The following NIPBL variants were observed in gnomAD, a reference collection of about 807,000 sequenced individuals.
NIPBL encodes the protein NIPBL cohesin loading factor.
In NIPBL, 19 loss-of-function variants were observed where a neutral mutation model predicts 321.8. That is an observed-to-expected ratio of 0.06 (90% confidence interval 0.04 to 0.09). NIPBL has a LOEUF of 0.09. Among genes scored for constraint, NIPBL ranks in the 10% least tolerant of loss-of-function variants. The pLI is 1.00. For synonymous variants in NIPBL, 1,106 were observed against 1,114.1 expected, an observed-to-expected ratio of 0.99 and a Z score of 0.14; for missense variants, 2,210 against 3,327.0, an observed-to-expected ratio of 0.66 and a Z score of 8.26.
chr5:36,920,776 A>G (rs750618998), intron 1 of NIPBL, among the ~76,000 whole-genome samples: 1 of 151,418 alleles, frequency 6.6e-6, no homozygotes, highest in South Asian at 2.1e-4. Context: ...TTTATGTGGC[A>G]TCTTTAACCT....
intron 1 of NIPBL, among the ~76,000 whole-genome samples, chr5:36,946,657 A>G (rs1739717589): frequency 6.6e-6 from 1 of 152,056 alleles, no homozygotes; most frequent in African/African-American, 2.4e-5. Context: ...AAAAATTAAC[A>G]TTAGCAAAGG....
chr5:36,923,124 G>T (rs1362719554), intron 1 of NIPBL, among the ~76,000 whole-genome samples: 1 of 151,938 alleles, frequency 6.6e-6, no homozygotes, highest in Non-Finnish European at 1.5e-5. Flanking sequence ...CAAAATTTTT[G>T]TAATTTTGTA....
At chr5:37,053,756 AATTT>A (rs1308619223) in intron 42 of NIPBL, among the ~76,000 whole-genome samples, 2 of 152,218 alleles carry the variant, frequency 1.3e-5, no homozygotes, top group Non-Finnish European at 2.9e-5. Context: ...TTTACCTTTT[AATTT>A]ATTTATTTCA....
chr5:37,002,529 T>C, intron 14 of NIPBL, 133 bp from the exon 15 acceptor site: 1 of 680,062 alleles, frequency 1.5e-6, no homozygotes, highest in Non-Finnish European at 2.7e-6. Context: ...TACTTGAGGT[T>C]TATATATAGA....
At chr5:36,901,370 A>T (rs1747196667) in intron 1 of NIPBL, among the ~76,000 whole-genome samples, 1 of 151,818 alleles carries the variant, frequency 6.6e-6, no homozygotes, top group Admixed American at 6.6e-5. Flanking sequence ...GGTTGATTCC[A>T]TGTCTTTGCT....
At chr5:36,912,780 G>A (rs893676011) in intron 1 of NIPBL, among the ~76,000 whole-genome samples, 1 of 152,254 alleles carries the variant, frequency 6.6e-6, no homozygotes, top group African/African-American at 2.4e-5. Context: ...GATTACAGAT[G>A]TGAGCCACCG....
At chr5:37,023,301 C>A (rs1419414254) in intron 29 of NIPBL, among the ~76,000 whole-genome samples, 1 of 152,090 alleles carries the variant, frequency 6.6e-6, no homozygotes, top group Non-Finnish European at 1.5e-5. Context: ...ATATTTGTAA[C>A]CCTAGTAAAA....
intron 9 of NIPBL, among the ~76,000 whole-genome samples, chr5:36,976,947 G>C (rs1743540601): frequency 6.6e-6 from 1 of 152,020 alleles, no homozygotes; most frequent in African/African-American, 2.4e-5. Flanking sequence ...TAGAAATTAA[G>C]AGTCTTTTGG....
chr5:37,033,730 A>ATATATATATT (rs775482943), intron 32 of NIPBL, among the ~76,000 whole-genome samples: 4 of 21,506 alleles, frequency 1.9e-4, no homozygotes, highest in Non-Finnish European at 3.1e-4. Context: ...ATATATATAT[A>ATATATATATT]TTTTTTTTTT....
At chr5:36,918,107 C>T (rs1748616268) in intron 1 of NIPBL, among the ~76,000 whole-genome samples, 1 of 152,092 alleles carries the variant, frequency 6.6e-6, no homozygotes, top group Non-Finnish European at 1.5e-5. Flanking sequence ...CTATAAATTA[C>T]CTTGGGCAGT....
At chr5:36,999,396 C>G (rs1272566322) in intron 11 of NIPBL, among the ~76,000 whole-genome samples, 1 of 152,160 alleles carries the variant, frequency 6.6e-6, no homozygotes, top group Non-Finnish European at 1.5e-5. Flanking sequence ...CTTCTCTGCC[C>G]TGGTTTTAAC....
At chr5:37,035,131 G>T (rs1377258869) in intron 32 of NIPBL, among the ~76,000 whole-genome samples, 1 of 152,130 alleles carries the variant, frequency 6.6e-6, no homozygotes, top group Non-Finnish European at 1.5e-5. Flanking sequence ...TCTACAAACT[G>T]TACAAAAATA....
intron 24 of NIPBL, 73 bp downstream of exon 24, chr5:37,017,235 T>C (rs775889092): frequency 1.0e-5 from 14 of 1,403,032 alleles, no homozygotes; most frequent in African/African-American, 1.4e-5. Context: ...ACATTAGTTT[T>C]GCATTTCATT....
chr5:36,904,164 G>A (rs896239528), intron 1 of NIPBL, among the ~76,000 whole-genome samples: 9 of 152,244 alleles, frequency 5.9e-5, no homozygotes, highest in South Asian at 2.1e-4. Context: ...TAGATAAAGT[G>A]ATTCTTAAGA....
chr5:37,017,339 C>T (rs1749106125), intron 24 of NIPBL, among the ~76,000 whole-genome samples, 177 bp downstream of exon 24: 2 of 152,090 alleles, frequency 1.3e-5, no homozygotes, highest in African/African-American at 4.8e-5. Flanking sequence ...ATTATTTAGT[C>T]TAACAGGGAC....
At chr5:36,924,888 T>C (rs914876970) in intron 1 of NIPBL, among the ~76,000 whole-genome samples, 4 of 152,214 alleles carry the variant, frequency 2.6e-5, no homozygotes, top group African/African-American at 9.6e-5. Context: ...ATTAAAGGCC[T>C]TTTTCTTTGA....
At chr5:36,952,085 T>C (rs1033167426) in intron 1 of NIPBL, among the ~76,000 whole-genome samples, 4 of 145,994 alleles carry the variant, frequency 2.7e-5, no homozygotes, top group Admixed American at 6.8e-5. Context: ...TGTGTGTGTG[T>C]AGCAGTTTAA....
chr5:36,995,421 A>G (rs1746025086), intron 10 of NIPBL: 1 of 431,564 alleles, frequency 2.3e-6, no homozygotes, highest in Admixed American at 3.9e-5. Flanking sequence ...GTCATTACAT[A>G]ATTATATGTA....
intron 1 of NIPBL, among the ~76,000 whole-genome samples, chr5:36,878,035 A>C (rs1407297773): frequency 1.3e-5 from 2 of 152,262 alleles, no homozygotes; most frequent in Non-Finnish European, 2.9e-5. Flanking sequence ...TACGTAAAAC[A>C]CTCAGGTACT....
Sources: allele counts gnomAD v4.1 joint callset (sites outside exome capture counted in the v4.1 genomes callset), GRCh38; gene constraint gnomAD v4.1.1; transcripts MANE v1.5; gene names NCBI Gene and HGNC (gene_info 2026-07-23, HGNC 2026-07-21).